Variants in LAMP2 observed in about 807,000 individuals in gnomAD.
The protein encoded by LAMP2 is lysosome associated membrane protein 2.
In LAMP2, 4 loss-of-function variants were observed where a neutral mutation model predicts 25.6. That is an observed-to-expected ratio of 0.16 (90% CI 0.08 to 0.36). The LOEUF (loss-of-function observed/expected upper bound fraction) is 0.36, where lower values mean the gene tolerates loss of function less well. LAMP2 is among the 10% of genes least tolerant of loss of function. LAMP2 has a pLI of 1.00. For synonymous variants in LAMP2, 108 were observed against 112.7 expected, an observed-to-expected ratio of 0.96 and a Z score of 0.27; for missense variants, 272 against 301.4, an observed-to-expected ratio of 0.90 and a Z score of 0.72.
intron 6 of LAMP2, among the ~76,000 whole-genome samples, chrX:120,444,916 T>C (rs1023809926): frequency 3.3e-4 from 37 of 112,163 alleles, no homozygotes; most frequent in African/African-American, 1.1e-3. Context: ...TGCAGGTGTC[T>C]CTTGATTTTT....
At chrX:120,440,382 G>T (rs1321750342) in intron 8 of LAMP2, among the ~76,000 whole-genome samples, 1 of 111,550 alleles carries the variant, frequency 9.0e-6, no homozygotes, top group Non-Finnish European at 1.9e-5. Context: ...ACACTCTTCT[G>T]CCTTATTGCA....
At chrX:120,437,217 C>T (rs1328815369) in intron 8 of LAMP2, 2 of 742,881 alleles carry the variant, frequency 2.7e-6, no homozygotes, top group African/African-American at 4.7e-5. Flanking sequence ...ATTTAAGTGA[C>T]GGAAAATATT....
At chrX:120,461,193 T>C (rs1287135247) in intron 1 of LAMP2, among the ~76,000 whole-genome samples, 1 of 111,815 alleles carries the variant, frequency 8.9e-6, no homozygotes, top group African/African-American at 3.2e-5. Context: ...ATCAATCAGA[T>C]TGTATTTCTC....
Position 120,464,642 on chromosome X carries a change from G to A in LAMP2, c.64+4464C>T, listed in dbSNP as rs76065137. ...CTCTGCCCAAATGTCACCCGATAAC[G>A]GAAGGCCCTCTGACCACATAATATA... is the stretch of plus-strand genomic sequence containing the variant. On this transcript the variant is annotated intron_variant, in intron 1 of 8. Transcript: ENST00000200639. Among the ~76,000 whole-genome samples, 1,033 of 112,039 alleles carry A rather than the reference G, an allele frequency of 9.2e-3. 15 individuals carry two copies. The highest frequency in any genetic ancestry group is 0.05 in the Admixed American group (533 of 10,597).
In LAMP2 at chrX:120,431,151, G is replaced by T. The variant is rs1272173313; in HGVS notation, c.*172C>A. 1.8e-6 allele frequency: 2 copies of T among 1,107,518 alleles called. No individual in the cohort carries two copies. Among genetic ancestry groups the T allele is most frequent in the African/African-American group, 1.8e-5 (1 of 54,062 alleles). The allele number at this position is 1,107,518 out of a possible 1,213,427, so 91.3% of individuals were successfully genotyped here. ...AATATGACACTTTGGATTTTAAGCT[G>T]ATTAAAGAGAACAGGTTTTATTAAT... On this transcript the variant is annotated 3_prime_UTR_variant, in exon 9 of 9. Coordinates refer to ENST00000200639, the MANE Select transcript of LAMP2 (RefSeq NM_002294.3).
At chrX:120,432,684 A>C (rs1455002379) in intron 8 of LAMP2, among the ~76,000 whole-genome samples, 2 of 111,969 alleles carry the variant, frequency 1.8e-5, no homozygotes, top group Non-Finnish European at 3.8e-5. Context: ...TGCTGGTGCC[A>C]TTCTATAAAA....
At position 120,429,396 on chromosome X, in the gene LAMP2, T is replaced by C. The variant is rs2058513695; in HGVS notation, c.*1927A>G. The C allele has an allele frequency of 1.7e-6, 1 of 573,229 alleles. No individual in the cohort carries two copies. Among genetic ancestry groups the C allele is most frequent in the Non-Finnish European group, 2.1e-6 (1 of 476,356 alleles). The allele number at this position is 573,229 out of a possible 1,213,427, so 47.2% of individuals were successfully genotyped here. ...TTTAAACTGGGCCTCACTTTCCTCATCTGTAAGAAGGGGATAATAATACCT... is the reference window on the plus strand; with the variant it reads ...TTTAAACTGGGCCTCACTTTCCTCACCTGTAAGAAGGGGATAATAATACCT... On this transcript the variant is annotated 3_prime_UTR_variant, in exon 9 of 9. Coordinates refer to ENST00000200639, the MANE Select transcript of LAMP2 (RefSeq NM_002294.3).
intron 7 of LAMP2, 64 bp downstream of exon 7, chrX:120,442,535 A>G (rs2058578084): frequency 6.6e-6 from 6 of 914,190 alleles, no homozygotes; most frequent in Non-Finnish European, 9.6e-6. Flanking sequence ...TAATAAGACC[A>G]TTGTAATTTC....
chrX:120,435,274 TG>T, intron 8 of LAMP2, among the ~76,000 whole-genome samples: 1 of 112,566 alleles, frequency 8.9e-6, no homozygotes, highest in East Asian at 2.8e-4. Context: ...CACATGCATC[TG>T]AAAAGATTCG....
intron 1 of LAMP2, among the ~76,000 whole-genome samples, chrX:120,463,090 T>C (rs1921386281): frequency 8.9e-6 from 1 of 112,093 alleles, no homozygotes; most frequent in Non-Finnish European, 1.9e-5. Flanking sequence ...CTTTTTAAAA[T>C]ACAGGACACA....
At chrX:120,459,283 T>A (rs1030311509) in intron 1 of LAMP2, among the ~76,000 whole-genome samples, 3 of 112,320 alleles carry the variant, frequency 2.7e-5, no homozygotes, top group African/African-American at 9.7e-5. Context: ...TGTCCCCTTG[T>A]TACAATTTCT....
rs1238020873 is a variant in LAMP2, at chrX:120,449,071, C to T, written c.455G>A (p.Arg152Lys). The T allele has an allele frequency of 8.3e-7, 1 of 1,202,704 alleles. No homozygotes were observed. The highest frequency in any genetic ancestry group is 2.2e-5 in the Admixed American group (1 of 45,967). The change falls in exon 4 of 9, where the codon AGA becomes AAA. Residue 152 changes from arginine to lysine, a missense_variant. Arg to Lys is a conservative substitution (Grantham distance 26). Coordinates refer to ENST00000200639, the MANE Select transcript of LAMP2 (RefSeq NM_002294.3). Reference sequence around the variant, plus strand: ...TTCCAAAGTTGATAAACTATTGCATCTAAAAAGGTCATTCAATGGAATTCT... The same window carrying T: ...TTCCAAAGTTGATAAACTATTGCATTTAAAAAGGTCATTCAATGGAATTCT... ...AIRIPLNDLF[R>K]CNSLSTLEKN...
chrX:120,436,566 AG>A, intron 8 of LAMP2: 4 of 736,832 alleles, frequency 5.4e-6, no homozygotes, highest in Non-Finnish European at 6.4e-6. Context: ...AAATATCTAA[AG>A]ATACCATACA....
intron 4 of LAMP2, among the ~76,000 whole-genome samples, chrX:120,448,264 T>C (rs2058606943): frequency 1.8e-5 from 2 of 112,426 alleles, no homozygotes; most frequent in Admixed American, 9.4e-5. Context: ...CCCTATGCTT[T>C]ATCTGCTCCC....
intron 8 of LAMP2, chrX:120,439,402 T>C (rs1410947991): frequency 1.3e-5 from 9 of 699,640 alleles, no homozygotes; most frequent in Middle Eastern, 6.9e-4. Flanking sequence ...AAGATCAACT[T>C]CAAGTAACTA....
chrX:120,431,503 C>T, intron 8 of LAMP2, 41 bp from the exon 9 acceptor site: 1 of 1,135,243 alleles, frequency 8.8e-7, no homozygotes, highest in Non-Finnish European at 1.2e-6. Flanking sequence ...GAAACAGTGA[C>T]AAACTTTCAA....
At chrX:120,466,919 C>T (rs1329526775) in intron 1 of LAMP2, among the ~76,000 whole-genome samples, 3 of 107,802 alleles carry the variant, frequency 2.8e-5, no homozygotes, top group Non-Finnish European at 5.8e-5. Context: ...CTTGGCTCAC[C>T]GCAACCTCCG....
intron 1 of LAMP2, among the ~76,000 whole-genome samples, chrX:120,457,657 A>C (rs1921153769): frequency 8.9e-6 from 1 of 112,463 alleles, no homozygotes; most frequent in Non-Finnish European, 1.9e-5. Flanking sequence ...TTATCTATTA[A>C]ACTGAAGAGC....
At chrX:120,451,985 C>T (rs908942208) in intron 3 of LAMP2, among the ~76,000 whole-genome samples, 1 of 111,305 alleles carries the variant, frequency 9.0e-6, no homozygotes, top group African/African-American at 3.3e-5. Context: ...AGATTAAACA[C>T]CTCCTCCTAA....
Sources: allele counts gnomAD v4.1 joint callset (sites outside exome capture counted in the v4.1 genomes callset), GRCh38; gene constraint gnomAD v4.1.1; transcripts MANE v1.5; gene names NCBI Gene and HGNC (gene_info 2026-07-23, HGNC 2026-07-21).